Variants in ADAM12 observed in about 807,000 individuals in gnomAD.
The protein encoded by ADAM12 is ADAM metallopeptidase domain 12, also known as disintegrin and metalloproteinase domain-containing protein 12.
Under a neutral mutation model 106.4 loss-of-function variants are expected in ADAM12, and 70 were observed. The ratio of observed to expected loss-of-function variants is 0.66; its 90% CI spans 0.54 to 0.80. The LOEUF (loss-of-function observed/expected upper bound fraction) is 0.80, where lower values mean the gene tolerates loss of function less well. Ranked by LOEUF, ADAM12 falls within the 30% of genes least tolerant of loss-of-function variation. The pLI, the probability that ADAM12 is intolerant of heterozygous loss-of-function variation, is 0.00. For missense variants in ADAM12, 1,010 were observed against 1,171.9 expected (o/e 0.86, Z 2.02); for synonymous variants, 420 against 433.5 (o/e 0.97, Z 0.39).
intron 5 of ADAM12, among the ~76,000 whole-genome samples, chr10:126,130,651 C>G (rs115786693): frequency 0.02 from 3,031 of 152,308 alleles, 108 homozygotes; most frequent in African/African-American, 0.069. Context: ...GCGGAAGGAA[C>G]TGGCAACCCT....
At chr10:126,095,436 A>G (rs1166747720) in intron 10 of ADAM12, among the ~76,000 whole-genome samples, 1 of 144,914 alleles carries the variant, frequency 6.9e-6, no homozygotes, top group Non-Finnish European at 1.5e-5. Context: ...CTGGAAGCTG[A>G]GGCAGGAGAA....
chr10:126,145,884 C>A (rs1016435857), intron 4 of ADAM12, among the ~76,000 whole-genome samples: 2 of 152,212 alleles, frequency 1.3e-5, no homozygotes, highest in East Asian at 3.9e-4. Context: ...AAGGTAGGGC[C>A]GTCACCACTG....
intron 2 of ADAM12, among the ~76,000 whole-genome samples, chr10:126,318,177 C>G (rs1853953376): frequency 6.6e-6 from 1 of 152,008 alleles, no homozygotes; most frequent in South Asian, 2.1e-4. Flanking sequence ...CTTGCAGTGC[C>G]AGAAAGGAAG....
At chr10:126,132,860 G>A (rs1168251161) in intron 5 of ADAM12, among the ~76,000 whole-genome samples, 2 of 151,994 alleles carry the variant, frequency 1.3e-5, no homozygotes, top group East Asian at 3.9e-4. Context: ...CACCTCAGAT[G>A]CCACCAGGTC....
At chr10:126,128,628 G>A (rs1322185382) in intron 5 of ADAM12, among the ~76,000 whole-genome samples, 1 of 150,838 alleles carries the variant, frequency 6.6e-6, no homozygotes, top group African/African-American at 2.4e-5. Flanking sequence ...GCCTGTGCAT[G>A]TGAGTGTGTG....
At chr10:126,023,856 ACACC>A (rs1391154199) in intron 21 of ADAM12, among the ~76,000 whole-genome samples, 1 of 151,772 alleles carries the variant, frequency 6.6e-6, no homozygotes, top group African/African-American at 2.4e-5. Flanking sequence ...ATGGAAGAAC[ACACC>A]TGCATCCTAG....
chr10:126,376,631 A>G (rs2133928730), intron 1 of ADAM12, among the ~76,000 whole-genome samples: 1 of 152,346 alleles, frequency 6.6e-6, no homozygotes, highest in East Asian at 1.9e-4. Context: ...CATTAAAGGG[A>G]ACAAATAAAT....
intron 4 of ADAM12, among the ~76,000 whole-genome samples, chr10:126,143,834 G>A (rs187719402): frequency 6.6e-6 from 1 of 152,048 alleles, no homozygotes; most frequent in Non-Finnish European, 1.5e-5. Context: ...CTGCAGTCAG[G>A]TCCTTGTTCC....
chr10:126,120,507 C>T (rs976465529), intron 5 of ADAM12, among the ~76,000 whole-genome samples: 1 of 152,154 alleles, frequency 6.6e-6, no homozygotes, highest in Non-Finnish European at 1.5e-5. Flanking sequence ...AAAAGTCTGT[C>T]TGGATGTGTT....
chr10:126,125,254 T>C (rs572167846), intron 5 of ADAM12, among the ~76,000 whole-genome samples: 2 of 149,442 alleles, frequency 1.3e-5, no homozygotes, highest in African/African-American at 5.0e-5. Flanking sequence ...CTTTTCTTTT[T>C]TTTTTTTTTG....
At chr10:126,162,679 TACAGAGC>T in intron 3 of ADAM12, among the ~76,000 whole-genome samples, 1 of 152,078 alleles carries the variant, frequency 6.6e-6, no homozygotes, top group South Asian at 2.1e-4. Context: ...TGAGCGTCCA[TACAGAGC>T]ACCAGGCCAG....
At chr10:126,212,974 T>G (rs1957927899) in intron 3 of ADAM12, among the ~76,000 whole-genome samples, 1 of 151,630 alleles carries the variant, frequency 6.6e-6, no homozygotes, top group Admixed American at 6.6e-5. Flanking sequence ...AATTTGGTGG[T>G]TTTTACTACA....
chr10:126,021,564 A>G (rs148754486), intron 21 of ADAM12, among the ~76,000 whole-genome samples: 86 of 152,356 alleles, frequency 5.6e-4, no homozygotes, highest in African/African-American at 2.1e-3. Context: ...TAGAAGTGAT[A>G]TTTCTACATT....
chr10:126,176,540 C>T (rs1311997145), intron 3 of ADAM12, among the ~76,000 whole-genome samples: 1 of 152,204 alleles, frequency 6.6e-6, no homozygotes, highest in Non-Finnish European at 1.5e-5. Context: ...AATCACTCAT[C>T]TAGGGCATAG....
chr10:126,023,148 G>A (rs868562189), intron 21 of ADAM12, among the ~76,000 whole-genome samples: 52 of 152,156 alleles, frequency 3.4e-4, no homozygotes, highest in Admixed American at 1.7e-3. Flanking sequence ...GGGCTGGGGC[G>A]GCATCAATAT....
intron 21 of ADAM12, among the ~76,000 whole-genome samples, chr10:126,020,555 T>C (rs1332863130): frequency 1.3e-5 from 2 of 152,140 alleles, no homozygotes; most frequent in Non-Finnish European, 2.9e-5. Flanking sequence ...CCTCTTTCTC[T>C]GGAAAATGTG....
chr10:126,352,594 T>C (rs921300995), intron 1 of ADAM12, among the ~76,000 whole-genome samples: 1 of 152,208 alleles, frequency 6.6e-6, no homozygotes, highest in African/African-American at 2.4e-5. Context: ...TTGCTATGCA[T>C]GTAATTACTT....
At chr10:126,088,769 C>T (rs1339815250) in intron 11 of ADAM12, among the ~76,000 whole-genome samples, 1 of 151,268 alleles carries the variant, frequency 6.6e-6, no homozygotes, top group East Asian at 1.9e-4. Context: ...CCACCTAGAC[C>T]TGGGGACACA....
chr10:126,339,725 G>A (rs1854850224), intron 1 of ADAM12, among the ~76,000 whole-genome samples: 2 of 152,074 alleles, frequency 1.3e-5, no homozygotes, highest in South Asian at 2.1e-4. Context: ...GATGGAGTGA[G>A]AGATGGGATG....
Sources: gnomAD v4.1 joint callset for allele counts (sites outside exome capture counted in the v4.1 genomes callset) on GRCh38, gnomAD v4.1.1 for gene constraint, MANE v1.5 for transcripts, NCBI Gene and HGNC (gene_info 2026-07-23, HGNC 2026-07-21) for gene names.